The following DHRSX variants were observed in gnomAD, a reference collection of about 807,000 sequenced individuals.
The protein encoded by DHRSX is dehydrogenase/reductase X-linked.
Under a neutral mutation model 34.0 loss-of-function variants are expected in DHRSX, and 31 were observed. That is an observed-to-expected ratio of 0.91 (90% CI 0.69 to 1.23). The LOEUF (loss-of-function observed/expected upper bound fraction) is 1.23. DHRSX is among the 50% of genes most tolerant of loss of function. The pLI is 0.00. For synonymous variants in DHRSX, 201 were observed against 183.8 expected (o/e 1.09, Z -0.76); for missense variants, 414 against 428.1 (o/e 0.97, Z 0.29).
intron 3 of DHRSX, among the ~76,000 whole-genome samples, chrX:2,360,564 C>G (rs2042920886): frequency 6.6e-6 from 1 of 152,234 alleles, no homozygotes; most frequent in East Asian, 1.9e-4. Flanking sequence ...GCCTGGGCAA[C>G]AGAGTGAGAC....
chrX:2,456,394 A>G (rs2044296914), intron 1 of DHRSX, among the ~76,000 whole-genome samples: 1 of 151,948 alleles, frequency 6.6e-6, no homozygotes, highest in South Asian at 2.1e-4. Flanking sequence ...CAGGTGGATC[A>G]CCTGAGGTCA....
chrX:2,456,016 C>T (rs1209736826), intron 1 of DHRSX, among the ~76,000 whole-genome samples: 1 of 151,950 alleles, frequency 6.6e-6, no homozygotes, highest in Non-Finnish European at 1.5e-5. Flanking sequence ...ATGGGTACCA[C>T]GACTTAGCAT....
intron 1 of DHRSX, among the ~76,000 whole-genome samples, chrX:2,495,046 G>A (rs1179148452): frequency 2.0e-5 from 3 of 149,296 alleles, no homozygotes. Context: ...ATATTCTATT[G>A]TCATTATTAT....
intron 1 of DHRSX, chrX:2,488,570 G>A: frequency 6.6e-7 from 1 of 1,517,462 alleles, no homozygotes; most frequent in Non-Finnish European, 8.8e-7. Context: ...GACCGGGTAA[G>A]TATTTACAGC....
At chrX:2,324,004 C>T (rs1346962482) in intron 3 of DHRSX, among the ~76,000 whole-genome samples, 1 of 150,266 alleles carries the variant, frequency 6.7e-6, no homozygotes, top group African/African-American at 2.5e-5. Flanking sequence ...TTGCAGTGAG[C>T]CATGATCACA....
chrX:2,271,723 G>C (rs2041557417), intron 4 of DHRSX, among the ~76,000 whole-genome samples: 1 of 152,122 alleles, frequency 6.6e-6, no homozygotes, highest in African/African-American at 2.4e-5. Context: ...TGAGAAGTAT[G>C]TCAGAATTCA....
intron 5 of DHRSX, chrX:2,261,376 C>T (rs753234726): frequency 2.3e-4 from 35 of 152,154 alleles, no homozygotes; most frequent in African/African-American, 8.2e-4. Context: ...TCTTATTAAG[C>T]GCATGAATCT....
At chrX:2,324,517 T>C (rs2042352970) in intron 3 of DHRSX, among the ~76,000 whole-genome samples, 1 of 152,136 alleles carries the variant, frequency 6.6e-6, no homozygotes, top group African/African-American at 2.4e-5. Flanking sequence ...CTGCTTGACC[T>C]GTGCTTGCAA....
intron 4 of DHRSX, among the ~76,000 whole-genome samples, chrX:2,273,320 C>T (rs769720925): frequency 2.0e-5 from 3 of 152,262 alleles, no homozygotes; most frequent in African/African-American, 7.2e-5. Flanking sequence ...AGTACCCCTC[C>T]GTGGAGTACT....
intron 3 of DHRSX, among the ~76,000 whole-genome samples, chrX:2,311,129 GAGAC>G (rs1385445717): frequency 1.3e-5 from 2 of 151,604 alleles, no homozygotes; most frequent in Non-Finnish European, 2.9e-5. Flanking sequence ...GAATAAGCGA[GAGAC>G]AGAGAGAGAG....
At chrX:2,384,417 G>C (rs1420364780) in intron 3 of DHRSX, among the ~76,000 whole-genome samples, 1 of 152,094 alleles carries the variant, frequency 6.6e-6, no homozygotes, top group East Asian at 1.9e-4. Context: ...GGAAAGGTGT[G>C]TAGTGTGAGA....
At chrX:2,487,358 G>A (rs1169042519) in intron 1 of DHRSX, 2 of 147,828 alleles carry the variant, frequency 1.4e-5, no homozygotes, top group East Asian at 4.9e-4. Context: ...CCGGACCCGT[G>A]AGCCACCCAC....
chrX:2,225,098 C>T (rs753362669), intron 6 of DHRSX, among the ~76,000 whole-genome samples: 4 of 150,472 alleles, frequency 2.7e-5, no homozygotes, highest in Non-Finnish European at 5.9e-5. Flanking sequence ...TTCACATGCA[C>T]ACAGCTCACA....
intron 3 of DHRSX, among the ~76,000 whole-genome samples, chrX:2,386,919 T>C (rs2043279572): frequency 6.6e-6 from 1 of 151,720 alleles, no homozygotes; most frequent in East Asian, 1.9e-4. Flanking sequence ...ACTTTCCTTT[T>C]GTATTTATTT....
At chrX:2,274,994 G>T (rs1263747970) in intron 4 of DHRSX, among the ~76,000 whole-genome samples, 2 of 152,100 alleles carry the variant, frequency 1.3e-5, no homozygotes, top group Non-Finnish European at 1.5e-5. Flanking sequence ...GGCCTAGGAA[G>T]AGATGATGGT....
In DHRSX at chrX:2,246,928, G is replaced by C. The variant is rs1441043473; in HGVS notation, c.597-3698C>G. ...AGTATAAACATAAATGATACCACTG[G>C]GGAACAGAGACTGATGTTGGTTTTT... On this transcript the variant is annotated intron_variant, in intron 5 of 6. Coordinates refer to ENST00000334651, the MANE Select transcript of DHRSX (RefSeq NM_145177.3). 2.0e-5 allele frequency among the ~76,000 whole-genome samples: 3 copies of C among 151,832 alleles called. No individual in the cohort carries two copies. The East Asian group carries it at 5.8e-4, about 29-fold the overall frequency.
intron 1 of DHRSX, among the ~76,000 whole-genome samples, chrX:2,447,580 C>A (rs938673944): frequency 6.6e-6 from 1 of 151,978 alleles, no homozygotes; most frequent in East Asian, 1.9e-4. Flanking sequence ...GATACCTGCA[C>A]CCCCTGTGCA....
intron 2 of DHRSX, among the ~76,000 whole-genome samples, chrX:2,419,574 T>C (rs933021755): frequency 6.6e-6 from 1 of 151,750 alleles, no homozygotes; most frequent in African/African-American, 2.4e-5. Context: ...AACCTAAATG[T>C]CCAACAACGA....
chrX:2,422,909 C>T (rs950936709), intron 2 of DHRSX, among the ~76,000 whole-genome samples: 5 of 152,008 alleles, frequency 3.3e-5, no homozygotes, highest in Non-Finnish European at 7.4e-5. Context: ...CTCAGCCTCC[C>T]GAGTAGCTGG....
Sources: allele counts gnomAD v4.1 joint callset (sites outside exome capture counted in the v4.1 genomes callset), GRCh38; gene constraint gnomAD v4.1.1; transcripts MANE v1.5; gene names NCBI Gene and HGNC (gene_info 2026-07-23, HGNC 2026-07-21).